Variants in CDH12 observed in about 807,000 individuals in gnomAD.
The protein encoded by CDH12 is cadherin 12.
Under a neutral mutation model 74.1 loss-of-function variants are expected in CDH12, and 41 were observed. The ratio of observed to expected loss-of-function variants is 0.55; its 90% CI spans 0.43 to 0.72. CDH12 has a LOEUF of 0.72. CDH12 is among the 30% of genes least tolerant of loss of function. The pLI is 0.00. For synonymous variants in CDH12, 399 were observed against 355.0 expected, an observed-to-expected ratio of 1.12 and a Z score of -1.39; for missense variants, 945 against 977.2, an observed-to-expected ratio of 0.97 and a Z score of 0.44.
intron 1 of CDH12, among the ~76,000 whole-genome samples, chr5:22,605,290 T>C (rs1023073405): frequency 3.3e-5 from 5 of 152,190 alleles, no homozygotes; most frequent in African/African-American, 9.7e-5. Flanking sequence ...CAATGTTTCA[T>C]AATAAATCTC....
intron 1 of CDH12, among the ~76,000 whole-genome samples, chr5:22,760,419 G>A (rs1456214795): frequency 6.6e-6 from 1 of 151,996 alleles, no homozygotes; most frequent in African/African-American, 2.4e-5. Flanking sequence ...GGTGGCTCCC[G>A]CCTGTAATCC....
intron 3 of CDH12, among the ~76,000 whole-genome samples, chr5:22,244,792 GAAAGA>G (rs1167027874): frequency 7.8e-6 from 1 of 128,862 alleles, no homozygotes; most frequent in Non-Finnish European, 1.7e-5. Flanking sequence ...AAGAAAGAAA[GAAAGA>G]AAGAAAAATT....
intron 4 of CDH12, among the ~76,000 whole-genome samples, chr5:22,148,187 T>A (rs1000423487): frequency 6.6e-6 from 1 of 152,196 alleles, no homozygotes; most frequent in African/African-American, 2.4e-5. Context: ...TTGTTCTTTC[T>A]ATGCCAACTT....
intron 1 of CDH12, among the ~76,000 whole-genome samples, chr5:22,847,714 A>T (rs531397861): frequency 3.3e-4 from 50 of 152,228 alleles, no homozygotes; most frequent in Middle Eastern, 3.4e-3. Context: ...TATGATTTTT[A>T]AAAAAATAGT....
intron 4 of CDH12, among the ~76,000 whole-genome samples, chr5:22,177,656 G>C (rs1749413465): frequency 6.6e-6 from 1 of 151,978 alleles, no homozygotes; most frequent in African/African-American, 2.4e-5. Context: ...CACGGCCATG[G>C]GGGCTGCTAT....
chr5:21,964,092 G>A (rs1166201155), intron 6 of CDH12, among the ~76,000 whole-genome samples: 1 of 151,880 alleles, frequency 6.6e-6, no homozygotes, highest in African/African-American at 2.4e-5. Flanking sequence ...ATCCCCATAG[G>A]AGAAAAATGG....
At chr5:22,362,015 C>T (rs1479291204) in intron 3 of CDH12, among the ~76,000 whole-genome samples, 1 of 152,160 alleles carries the variant, frequency 6.6e-6, no homozygotes, top group African/African-American at 2.4e-5. Context: ...AGGACACAGG[C>T]ATGGGCAAGG....
intron 6 of CDH12, among the ~76,000 whole-genome samples, chr5:21,932,445 C>T (rs889428678): frequency 2.0e-5 from 3 of 152,158 alleles, no homozygotes; most frequent in Admixed American, 1.3e-4. Context: ...TTAATCACTA[C>T]ATTCTTTTGG....
Position 21,895,059 on chromosome 5 carries a change from T to C in CDH12, c.527-40269A>G, listed in dbSNP as rs900722467. On this transcript the variant is annotated intron_variant, in intron 6 of 14. Coordinates refer to ENST00000382254, the MANE Select transcript of CDH12 (RefSeq NM_004061.5). ...TAGTTCTCAGAGAACTGGTCTCTTT[T>C]AGCCTGCTATACTGTTCCTCCTTAG... Among the ~76,000 whole-genome samples, 6 of 152,238 alleles carry C rather than the reference T, an allele frequency of 3.9e-5. 1 individual carries two copies. Among genetic ancestry groups the C allele is most frequent in the Admixed American group, 3.9e-4 (6 of 15,294 alleles).
chr5:22,821,104 C>T (rs1452622428), intron 1 of CDH12, among the ~76,000 whole-genome samples: 1 of 152,068 alleles, frequency 6.6e-6, no homozygotes, highest in Non-Finnish European at 1.5e-5. Flanking sequence ...AAATGTAATC[C>T]AGCATATAAA....
intron 3 of CDH12, among the ~76,000 whole-genome samples, chr5:22,390,749 A>C (rs1742213595): frequency 6.6e-6 from 1 of 152,200 alleles, no homozygotes; most frequent in South Asian, 2.1e-4. Context: ...TCACGAACAC[A>C]AAAGCAAACC....
chr5:22,642,957 T>A (rs930723019), intron 1 of CDH12, among the ~76,000 whole-genome samples: 2 of 152,164 alleles, frequency 1.3e-5, no homozygotes, highest in Admixed American at 1.3e-4. Flanking sequence ...GGGGTTCTCA[T>A]TGGAATTTAT....
chr5:21,899,759 TATA>T (rs1005957381), intron 6 of CDH12, among the ~76,000 whole-genome samples: 15 of 141,230 alleles, frequency 1.1e-4, no homozygotes, highest in East Asian at 7.8e-4. Context: ...CAATTATTAA[TATA>T]ATAATAACAT....
intron 1 of CDH12, among the ~76,000 whole-genome samples, chr5:22,739,739 C>A (rs1744925986): frequency 6.6e-6 from 1 of 152,016 alleles, no homozygotes; most frequent in South Asian, 2.1e-4. Flanking sequence ...CCTGGCAACC[C>A]ACATCCTTCT....
chr5:22,049,023 T>C (rs1740161226), intron 5 of CDH12, among the ~76,000 whole-genome samples: 1 of 152,122 alleles, frequency 6.6e-6, no homozygotes, highest in African/African-American at 2.4e-5. Flanking sequence ...TAATTTATAG[T>C]TTGTTGCTTA....
chr5:22,465,461 C>T (rs535937221), intron 2 of CDH12, among the ~76,000 whole-genome samples: 3 of 152,218 alleles, frequency 2.0e-5, no homozygotes, highest in South Asian at 4.1e-4. Flanking sequence ...GCCTGGGTAA[C>T]ATAGGGAGAA....
At chr5:22,544,540 G>A (rs1006877834) in intron 1 of CDH12, among the ~76,000 whole-genome samples, 19 of 152,218 alleles carry the variant, frequency 1.2e-4, no homozygotes, top group African/African-American at 4.6e-4. Flanking sequence ...CTGTTGCCAG[G>A]CATGGTGGCT....
chr5:21,995,468 T>G (rs1447299586), intron 5 of CDH12, among the ~76,000 whole-genome samples: 1 of 152,082 alleles, frequency 6.6e-6, no homozygotes, highest in Admixed American at 6.6e-5. Flanking sequence ...TCATTAGTTT[T>G]ACTGTGCTCC....
intron 6 of CDH12, chr5:21,882,605 G>C: frequency 1.2e-6 from 2 of 1,601,386 alleles, no homozygotes; most frequent in South Asian, 2.2e-5. Flanking sequence ...GTTACCCACA[G>C]TCTTTCGCCA....
Sources: allele counts gnomAD v4.1 joint callset (sites outside exome capture counted in the v4.1 genomes callset), GRCh38; gene constraint gnomAD v4.1.1; transcripts MANE v1.5; gene names NCBI Gene and HGNC (gene_info 2026-07-23, HGNC 2026-07-21).